The following RNF170 variants were observed in gnomAD, a reference collection of about 807,000 sequenced individuals.
RNF170 encodes the protein E3 ubiquitin-protein ligase RNF170.
Under a neutral mutation model 32.7 loss-of-function variants are expected in RNF170, and 12 were observed. The ratio of observed to expected loss-of-function variants is 0.37; its 90% CI spans 0.24 to 0.60. RNF170 has a LOEUF of 0.60. RNF170 is among the 20% of genes least tolerant of loss of function. The pLI, the probability that RNF170 is intolerant of heterozygous loss-of-function variation, is 0.72. For missense variants in RNF170, 212 were observed against 311.2 expected, an observed-to-expected ratio of 0.68 and a Z score of 2.40; for synonymous variants, 91 against 103.6, an observed-to-expected ratio of 0.88 and a Z score of 0.74.
intron 4 of RNF170, among the ~76,000 whole-genome samples, chr8:42,866,494 G>C (rs933966771): frequency 5.3e-5 from 8 of 151,666 alleles, no homozygotes; most frequent in African/African-American, 1.9e-4. Context: ...GAGGCAAGGA[G>C]AATCGCTTCA....
intron 2 of RNF170, among the ~76,000 whole-genome samples, chr8:42,885,610 C>A (rs768414960): frequency 2.0e-5 from 3 of 152,186 alleles, no homozygotes; most frequent in Admixed American, 6.5e-5. Context: ...AACAGCCATC[C>A]TAAAAGATAA....
At chr8:42,859,119 C>T (rs549561510) in intron 6 of RNF170, among the ~76,000 whole-genome samples, 43 of 149,452 alleles carry the variant, frequency 2.9e-4, no homozygotes, top group African/African-American at 9.9e-4. Flanking sequence ...AGGAGGCAAA[C>T]GTTGCAGCGA....
intron 3 of RNF170, among the ~76,000 whole-genome samples, chr8:42,870,929 C>T (rs887542748): frequency 1.3e-5 from 2 of 151,696 alleles, no homozygotes; most frequent in Non-Finnish European, 2.9e-5. Context: ...GTCTACATGG[C>T]CGGGCACGGT....
intron 5 of RNF170, among the ~76,000 whole-genome samples, chr8:42,863,684 C>T (rs1358855285): frequency 6.6e-6 from 1 of 152,150 alleles, no homozygotes; most frequent in Non-Finnish European, 1.5e-5. Flanking sequence ...TTGTGATCTG[C>T]CCGCCTCAGC....
At chr8:42,862,280 A>G (rs1289619211) in intron 5 of RNF170, among the ~76,000 whole-genome samples, 1 of 152,196 alleles carries the variant, frequency 6.6e-6, no homozygotes, top group Non-Finnish European at 1.5e-5. Context: ...CTGGTATTTG[A>G]AAGATCTTTG....
chr8:42,873,476 G>A (rs1804673832), intron 3 of RNF170, among the ~76,000 whole-genome samples: 1 of 151,948 alleles, frequency 6.6e-6, no homozygotes, highest in South Asian at 2.1e-4. Context: ...AGAACAAACA[G>A]GAGAAAAGTT....
intron 1 of RNF170, among the ~76,000 whole-genome samples, chr8:42,893,295 C>T (rs992119053): frequency 6.6e-6 from 1 of 152,152 alleles, no homozygotes; most frequent in Non-Finnish European, 1.5e-5. Flanking sequence ...TACTAATACT[C>T]GGTTTTGAAC....
intron 5 of RNF170, among the ~76,000 whole-genome samples, chr8:42,863,978 A>AGTGTGTGT (rs776257416): frequency 1.1e-4 from 8 of 70,046 alleles, no homozygotes; most frequent in Admixed American, 2.8e-4. Context: ...AGAGAGAGAG[A>AGTGTGTGT]GAGTGTGTGT....
intron 6 of RNF170, among the ~76,000 whole-genome samples, chr8:42,857,983 C>T (rs1322196105): frequency 2.0e-5 from 3 of 152,106 alleles, no homozygotes; most frequent in Admixed American, 6.5e-5. Context: ...TGCAGTGAGC[C>T]GAGATCGCGC....
chr8:42,896,152 G>C, intron 1 of RNF170: 1 of 214,830 alleles, frequency 4.7e-6, no homozygotes, highest in Non-Finnish European at 9.6e-6. Flanking sequence ...TTACGGATTG[G>C]CGAGCGGGCG....
chr8:42,861,880 A>G, intron 5 of RNF170, 25 bp from the exon 6 acceptor site: 1 of 1,579,996 alleles, frequency 6.3e-7, no homozygotes, highest in Middle Eastern at 1.7e-4. Flanking sequence ...AAAAAAAATT[A>G]TTTCAACTTT....
At chr8:42,889,781 T>C (rs1372567378) in intron 1 of RNF170, among the ~76,000 whole-genome samples, 2 of 152,146 alleles carry the variant, frequency 1.3e-5, no homozygotes, top group South Asian at 2.1e-4. Context: ...AACAGTTAAA[T>C]GAGCTGCCAA....
chr8:42,875,169 TAAA>T (rs35059319), intron 2 of RNF170, among the ~76,000 whole-genome samples: 3 of 129,822 alleles, frequency 2.3e-5, no homozygotes, highest in Admixed American at 7.9e-5. Context: ...AAAACCGTCT[TAAA>T]AAAAAAAAAA....
chr8:42,850,599 GTC>G, downstream of RNF170: 1 of 683,516 alleles, frequency 1.5e-6, no homozygotes, highest in Non-Finnish European at 2.5e-6. Flanking sequence ...AACTAACATT[GTC>G]TCTGTTTTCA....
At position 42,855,227 on chromosome 8, in the gene RNF170, ATC is replaced by A; in HGVS notation, c.*930_*931del. On this transcript the variant is annotated 3_prime_UTR_variant, in exon 7 of 7. Transcript: ENST00000527424. Reference sequence around the variant, plus strand: ...TGCTGACTGGAGATAAATGTTTTTCATCTTTTTTTTTTTTTTTTTTGAGAGGG... The same window carrying A: ...TGCTGACTGGAGATAAATGTTTTTCATTTTTTTTTTTTTTTTTTGAGAGGG... 8.0e-7 allele frequency: 1 copy of A among 1,246,454 alleles called. No individual in the cohort carries two copies. Among genetic ancestry groups the A allele is most frequent in the Non-Finnish European group, 1.0e-6 (1 of 972,466 alleles). 77.2% of individuals were successfully genotyped at this position (1,246,454 alleles called of 1,614,324 possible). A position where few individuals can be genotyped will look rare whatever the true frequency, so the allele number is the denominator to read the frequency against.
intron 1 of RNF170, among the ~76,000 whole-genome samples, chr8:42,892,527 T>C (rs1806386142): frequency 6.6e-6 from 1 of 152,198 alleles, no homozygotes; most frequent in African/African-American, 2.4e-5. Context: ...AGTTCAGTTT[T>C]AGAATATGTA....
chr8:42,850,765 G>T, downstream of RNF170: 1 of 1,551,500 alleles, frequency 6.4e-7, no homozygotes, highest in South Asian at 1.2e-5. Flanking sequence ...GCCTACTTTT[G>T]GGTAGTCTGA....
intron 2 of RNF170, among the ~76,000 whole-genome samples, chr8:42,874,771 A>G (rs1267871337): frequency 6.6e-6 from 1 of 152,000 alleles, no homozygotes; most frequent in Non-Finnish European, 1.5e-5. Flanking sequence ...AGAAAAGCCA[A>G]ACCTTAACAT....
In RNF170 at chr8:42,855,491, G is replaced by A. The variant is rs566946069; in HGVS notation, c.*668C>T. ...CTCCCAAAGTGCTAGGATTACAGGC[G>A]TGAGCCACCCCGCCCGGCCATGTTT... On this transcript the variant is annotated 3_prime_UTR_variant, in exon 7 of 7. Coordinates refer to ENST00000527424, the MANE Select transcript of RNF170 (RefSeq NM_030954.4). 28 of 1,244,380 alleles carry A rather than the reference G, an allele frequency of 2.3e-5. No individual in the cohort carries two copies. The East Asian group carries it at 6.7e-4, about 30-fold the overall frequency. The allele number at this position is 1,244,380 out of a possible 1,614,324, so 77.1% of individuals were successfully genotyped here. A position where few individuals can be genotyped will look rare whatever the true frequency, so the allele number is the denominator to read the frequency against.
Sources: gnomAD v4.1 joint callset for allele counts (sites outside exome capture counted in the v4.1 genomes callset) on GRCh38, gnomAD v4.1.1 for gene constraint, MANE v1.5 for transcripts, NCBI Gene and HGNC (gene_info 2026-07-23, HGNC 2026-07-21) for gene names.